BNC2: variants seen among roughly 807,000 people sequenced by gnomAD.
The protein encoded by BNC2 is zinc finger protein basonuclin-2.
A neutral mutation model predicts 76.3 loss-of-function variants in BNC2; 20 were observed. The observed-to-expected ratio is 0.26, with a 90% CI of 0.18 to 0.38. BNC2 has a LOEUF of 0.38. BNC2 is among the 10% of genes least tolerant of loss of function. The pLI is 1.00. For missense variants in BNC2, 1,382 were observed against 1,399.8 expected (o/e 0.99, Z 0.20); for synonymous variants, 582 against 514.8 (o/e 1.13, Z -1.77).
Position 16,870,669 on chromosome 9 carries a change from G to A in BNC2, c.-21C>T, listed in dbSNP as rs373925786. On this transcript the variant is annotated 5_prime_UTR_variant, in exon 1 of 7. Coordinates refer to ENST00000380672, the MANE Select transcript of BNC2 (RefSeq NM_017637.6). ...ACCATCTCGGCATGCTGGTTGTCAAGTGCAGCCCCCGCCTCTTGGTCTCCT... is the reference window on the plus strand; with the variant it reads ...ACCATCTCGGCATGCTGGTTGTCAAATGCAGCCCCCGCCTCTTGGTCTCCT... 489 of 1,609,830 alleles carry A rather than the reference G, an allele frequency of 3.0e-4. 1 individual carries two copies. The highest frequency in any genetic ancestry group is 3.9e-4 in the Non-Finnish European group (461 of 1,178,194).
At chr9:16,726,713 T>G (rs1231497019) in intron 3 of BNC2, 1 of 152,200 alleles carries the variant, frequency 6.6e-6, no homozygotes, top group Non-Finnish European at 1.5e-5. Context: ...TTGCTTTGTG[T>G]GTGGATGATA....
intron 5 of BNC2, among the ~76,000 whole-genome samples, chr9:16,475,793 A>G (rs1055401139): frequency 3.3e-5 from 5 of 152,192 alleles, no homozygotes; most frequent in African/African-American, 1.2e-4. Flanking sequence ...TGTAAAGGCA[A>G]GTGAGAACCT....
chr9:16,772,610 AT>A (rs1025716108), intron 1 of BNC2, among the ~76,000 whole-genome samples: 15 of 151,380 alleles, frequency 9.9e-5, no homozygotes, highest in South Asian at 6.3e-4. Context: ...AACTGTACTA[AT>A]TTTTTTTTGT....
chr9:16,619,945 A>G (rs1194619865), intron 3 of BNC2, among the ~76,000 whole-genome samples: 5 of 152,202 alleles, frequency 3.3e-5, no homozygotes, highest in Non-Finnish European at 7.3e-5. Context: ...TGATGCTTTC[A>G]GTGGACATAC....
At chr9:16,817,602 C>A (rs1475065322) in intron 1 of BNC2, among the ~76,000 whole-genome samples, 1 of 152,164 alleles carries the variant, frequency 6.6e-6, no homozygotes, top group Non-Finnish European at 1.5e-5. Context: ...TTGATGAAAG[C>A]ATCTGGCACA....
At chr9:16,440,137 C>T (rs1030750061) in intron 5 of BNC2, among the ~76,000 whole-genome samples, 10 of 152,160 alleles carry the variant, frequency 6.6e-5, no homozygotes, top group Non-Finnish European at 1.2e-4. Context: ...ATCGTAACTT[C>T]CAGAGCTCAG....
intron 3 of BNC2, chr9:16,727,387 G>C (rs1345502353): frequency 5.2e-6 from 1 of 192,958 alleles, no homozygotes; most frequent in Non-Finnish European, 1.1e-5. Context: ...TTTGATGACT[G>C]TTTTTTAGGT....
At chr9:16,675,926 G>C (rs1346969273) in intron 3 of BNC2, among the ~76,000 whole-genome samples, 1 of 152,118 alleles carries the variant, frequency 6.6e-6, no homozygotes, top group Non-Finnish European at 1.5e-5. Flanking sequence ...TTAGCTGGGT[G>C]TGGTGGTGCA....
intron 3 of BNC2, among the ~76,000 whole-genome samples, chr9:16,689,756 C>G (rs1823097543): frequency 6.6e-6 from 1 of 152,026 alleles, no homozygotes; most frequent in African/African-American, 2.4e-5. Flanking sequence ...AAAGGAAGAC[C>G]CAATAGCACT....
At chr9:16,702,791 T>C (rs374325109) in intron 3 of BNC2, among the ~76,000 whole-genome samples, 5 of 152,186 alleles carry the variant, frequency 3.3e-5, no homozygotes, top group Admixed American at 6.5e-5. Flanking sequence ...TTCATTTTCC[T>C]GACAATCTGT....
At chr9:16,508,147 G>A (rs748816886) in intron 5 of BNC2, among the ~76,000 whole-genome samples, 27 of 152,198 alleles carry the variant, frequency 1.8e-4, no homozygotes, top group Non-Finnish European at 3.2e-4. Flanking sequence ...ACAAAGGTCC[G>A]CATTGCTTCT....
intron 1 of BNC2, among the ~76,000 whole-genome samples, chr9:16,828,314 C>T (rs1177574640): frequency 1.3e-5 from 2 of 152,154 alleles, no homozygotes; most frequent in Non-Finnish European, 2.9e-5. Flanking sequence ...CAGCAAACAA[C>T]ACATTATATT....
In BNC2 at chr9:16,642,546, T is replaced by G. The variant is rs542534919; in HGVS notation, c.331-59461A>C. ...ACCCTTCCCACAGCATGTGCCTCACTAAAATTTTTCTTTCACTTCTGAGGA... is the reference window on the plus strand; with the variant it reads ...ACCCTTCCCACAGCATGTGCCTCACGAAAATTTTTCTTTCACTTCTGAGGA... On this transcript the variant is annotated intron_variant, in intron 3 of 6. Transcript: ENST00000380672. Among the ~76,000 whole-genome samples, 267 of 152,318 alleles carry G rather than the reference T, an allele frequency of 1.8e-3. 1 individual carries two copies. The highest frequency in any genetic ancestry group is 6.1e-3 in the African/African-American group (252 of 41,576).
chr9:16,732,174 G>GAA (rs1191754241), intron 2 of BNC2, among the ~76,000 whole-genome samples: 2 of 39,120 alleles, frequency 5.1e-5, no homozygotes, highest in East Asian at 5.9e-4. Context: ...AAAAGAAAAA[G>GAA]AAACAAAAAA....
At chr9:16,767,265 G>A (rs1392857735) in intron 1 of BNC2, among the ~76,000 whole-genome samples, 6 of 152,202 alleles carry the variant, frequency 3.9e-5, no homozygotes, top group Non-Finnish European at 5.9e-5. Context: ...GGCATGCAAT[G>A]AGTATTAAAC....
chr9:16,847,676 G>A (rs1283292196), intron 1 of BNC2, among the ~76,000 whole-genome samples: 1 of 151,998 alleles, frequency 6.6e-6, no homozygotes, highest in Non-Finnish European at 1.5e-5. Context: ...TAACCATTGA[G>A]CAAGGCTTTA....
intron 1 of BNC2, among the ~76,000 whole-genome samples, chr9:16,837,011 A>C (rs1818722917): frequency 6.6e-6 from 1 of 152,200 alleles, no homozygotes; most frequent in Non-Finnish European, 1.5e-5. Flanking sequence ...TTACCACATC[A>C]TAAATTCTCT....
intron 3 of BNC2, among the ~76,000 whole-genome samples, chr9:16,707,208 A>C (rs13298272): frequency 0.6 from 86,218 of 144,712 alleles, 28,830 homozygotes; most frequent in Non-Finnish European, 0.78. Flanking sequence ...CCCCCCCGCC[A>C]AAAAAAAACA....
intron 1 of BNC2, among the ~76,000 whole-genome samples, chr9:16,853,326 G>C (rs1023035270): frequency 1.3e-5 from 2 of 150,800 alleles, no homozygotes; most frequent in East Asian, 4.0e-4. Context: ...GATCACCTGA[G>C]CCCAGGGAGG....
Sources: gnomAD v4.1 joint callset for allele counts (sites outside exome capture counted in the v4.1 genomes callset) on GRCh38, gnomAD v4.1.1 for gene constraint, MANE v1.5 for transcripts, NCBI Gene and HGNC (gene_info 2026-07-23, HGNC 2026-07-21) for gene names.